Variants in SLC25A21 observed in about 807,000 individuals in gnomAD.
SLC25A21 encodes the protein mitochondrial 2-oxodicarboxylate carrier.
In SLC25A21, 47 loss-of-function variants were observed where a neutral mutation model predicts 43.8. That is an observed-to-expected ratio of 1.07 (90% CI 0.85 to 1.37). The LOEUF (loss-of-function observed/expected upper bound fraction) is 1.37, where lower values mean the gene tolerates loss of function less well. Among genes scored for constraint, SLC25A21 ranks in the 40% most tolerant of loss-of-function variants. The pLI is 0.00. For missense variants in SLC25A21, 352 were observed against 350.2 expected (o/e 1.00, Z -0.04); for synonymous variants, 131 against 121.3 (o/e 1.08, Z -0.52).
intron 3 of SLC25A21, chr14:36,809,195 C>T (rs1481286898): frequency 6.6e-6 from 1 of 152,154 alleles, no homozygotes; most frequent in Non-Finnish European, 1.5e-5. Context: ...TCTGGGCTCA[C>T]TTTATTACAG....
intron 1 of SLC25A21, among the ~76,000 whole-genome samples, chr14:37,131,213 A>T (rs1963386148): frequency 6.6e-6 from 1 of 152,250 alleles, no homozygotes; most frequent in South Asian, 2.1e-4. Flanking sequence ...ACTGAGATTC[A>T]TATAGACTAA....
intron 1 of SLC25A21, among the ~76,000 whole-genome samples, chr14:37,050,075 T>C (rs1216896983): frequency 6.6e-6 from 1 of 152,240 alleles, no homozygotes; most frequent in Non-Finnish European, 1.5e-5. Flanking sequence ...CAACATGGAC[T>C]GGCTGTCATA....
chr14:37,076,500 T>C (rs1962284390), intron 1 of SLC25A21, among the ~76,000 whole-genome samples: 1 of 151,298 alleles, frequency 6.6e-6, no homozygotes, highest in African/African-American at 2.4e-5. Flanking sequence ...TTTTTGTTTT[T>C]GTTTTTGAGG....
chr14:36,839,755 G>A (rs1218448353), intron 2 of SLC25A21, among the ~76,000 whole-genome samples: 1 of 152,196 alleles, frequency 6.6e-6, no homozygotes, highest in African/African-American at 2.4e-5. Context: ...CACAAACCAT[G>A]ATGGTAGAGC....
intron 1 of SLC25A21, among the ~76,000 whole-genome samples, chr14:37,065,362 A>C (rs975254814): frequency 6.6e-6 from 1 of 152,238 alleles, no homozygotes; most frequent in African/African-American, 2.4e-5. Context: ...TATTTTAACC[A>C]GGCTAAAATC....
At chr14:36,963,387 T>C (rs1049029510) in intron 1 of SLC25A21, among the ~76,000 whole-genome samples, 2 of 152,178 alleles carry the variant, frequency 1.3e-5, no homozygotes, top group African/African-American at 4.8e-5. Flanking sequence ...AAAGAAGGTA[T>C]TTATGGCTGA....
In SLC25A21 at chr14:36,679,567, A is replaced by ATGTT. The variant is rs1203785173; in HGVS notation, c.*1087_*1090dup. ...ACCAAGGAGATATTTTTGTTGATAC[A>ATGTT]TGTTAGTATAGTAATCCTTAGAAAT... On this transcript the variant is annotated 3_prime_UTR_variant, in exon 10 of 10. Transcript: ENST00000331299. 5.1e-6 allele frequency: 5 copies of ATGTT among 985,266 alleles called. No homozygotes were observed. In the African/African-American group the frequency reaches 7.0e-5, roughly 14 times the overall value. 61.0% of individuals were successfully genotyped at this position (985,266 alleles called of 1,614,324 possible). A position where few individuals can be genotyped will look rare whatever the true frequency, so the allele number is the denominator to read the frequency against.
chr14:37,124,096 C>T (rs1361381869), intron 1 of SLC25A21, among the ~76,000 whole-genome samples: 8 of 151,466 alleles, frequency 5.3e-5, no homozygotes, highest in Non-Finnish European at 1.0e-4. Context: ...CTACAAGCTC[C>T]GCCTCCTGGG....
chr14:36,879,274 C>T (rs1890638674), intron 1 of SLC25A21, among the ~76,000 whole-genome samples: 1 of 152,110 alleles, frequency 6.6e-6, no homozygotes, highest in South Asian at 2.1e-4. Flanking sequence ...TACTACATTT[C>T]AGAAAGCTAA....
intron 1 of SLC25A21, among the ~76,000 whole-genome samples, chr14:36,943,769 G>C (rs939231043): frequency 6.6e-6 from 1 of 152,006 alleles, no homozygotes; most frequent in Non-Finnish European, 1.5e-5. Flanking sequence ...GGTCAGGAAG[G>C]TTTCGCCAAG....
At chr14:36,985,181 TG>T (rs1406445052) in intron 1 of SLC25A21, among the ~76,000 whole-genome samples, 7 of 53,008 alleles carry the variant, frequency 1.3e-4, no homozygotes, top group African/African-American at 4.3e-4. Context: ...TGTTGTGGGA[TG>T]GGGGGAGGGG....
At chr14:36,873,844 A>ATTCTTGCTGT (rs1385684451) in intron 2 of SLC25A21, among the ~76,000 whole-genome samples, 2 of 152,180 alleles carry the variant, frequency 1.3e-5, no homozygotes, top group African/African-American at 4.8e-5. Flanking sequence ...AGTATACAGC[A>ATTCTTGCTGT]AGAAGGAGGC....
intron 1 of SLC25A21, among the ~76,000 whole-genome samples, chr14:36,898,425 C>T (rs567773039): frequency 1.6e-3 from 250 of 152,250 alleles, no homozygotes; most frequent in Non-Finnish European, 2.6e-3. Flanking sequence ...TTCCAGGTGC[C>T]GTCTGTCACC....
At chr14:36,837,501 G>A (rs1889249515) in intron 2 of SLC25A21, among the ~76,000 whole-genome samples, 1 of 152,142 alleles carries the variant, frequency 6.6e-6, no homozygotes, top group South Asian at 2.1e-4. Context: ...CAACAATTGT[G>A]AGGACAAGAG....
At chr14:37,166,531 A>G (rs984300929) in intron 1 of SLC25A21, among the ~76,000 whole-genome samples, 1 of 152,246 alleles carries the variant, frequency 6.6e-6, no homozygotes, top group Non-Finnish European at 1.5e-5. Context: ...GGATTATTAT[A>G]GTGCTTGCCT....
chr14:36,907,195 G>A (rs1006679884), intron 1 of SLC25A21, among the ~76,000 whole-genome samples: 8 of 151,878 alleles, frequency 5.3e-5, no homozygotes, highest in Non-Finnish European at 1.0e-4. Flanking sequence ...GTACTTGGAG[G>A]AACAATATAA....
chr14:36,853,046 C>A (rs1238515637), intron 2 of SLC25A21, among the ~76,000 whole-genome samples: 1 of 152,092 alleles, frequency 6.6e-6, no homozygotes, highest in South Asian at 2.1e-4. Context: ...AAAATACTTG[C>A]ACTATAAGCT....
In SLC25A21 at chr14:37,098,806, T is replaced by TAGATA. The variant is rs1491150034; in HGVS notation, c.70+73474_70+73475insTATCT. On this transcript the variant is annotated intron_variant, in intron 1 of 9. Coordinates refer to ENST00000331299, the MANE Select transcript of SLC25A21 (RefSeq NM_030631.4). ...ACAGACAGATAGATAGATAGATAGA[T>TAGATA]TTTTTTTTTTTTTTGAGACAAAGTC... Among the ~76,000 whole-genome samples the TAGATA allele has an allele frequency of 1.2e-3, 5 of 4,184 alleles. 1 individual carries two copies. The highest frequency in any genetic ancestry group is 1.3e-3 in the African/African-American group (5 of 3,712). 2.7% of individuals were successfully genotyped at this position (4,184 alleles called of 152,430 possible).
intron 1 of SLC25A21, among the ~76,000 whole-genome samples, chr14:37,154,742 A>G (rs1963818773): frequency 6.6e-6 from 1 of 151,312 alleles, no homozygotes; most frequent in South Asian, 2.1e-4. Flanking sequence ...TCCCCAGTTC[A>G]AGCGATTCTC....
Sources: gnomAD v4.1 joint callset for allele counts (sites outside exome capture counted in the v4.1 genomes callset) on GRCh38, gnomAD v4.1.1 for gene constraint, MANE v1.5 for transcripts, NCBI Gene and HGNC (gene_info 2026-07-23, HGNC 2026-07-21) for gene names.